The following CCDC50 variants were observed in gnomAD, a reference collection of about 807,000 sequenced individuals.
CCDC50 encodes the protein coiled-coil domain containing 50, also known as coiled-coil domain-containing protein 50.
In CCDC50, 54 loss-of-function variants were observed where a neutral mutation model predicts 70.2. That is an observed-to-expected ratio of 0.77 (90% confidence interval 0.62 to 0.96). CCDC50 has a LOEUF of 0.96. Among genes scored for constraint, CCDC50 ranks in the 50% least tolerant of loss-of-function variants. The pLI is 0.00. For synonymous variants in CCDC50, 216 were observed against 198.8 expected (o/e 1.09, Z -0.73); for missense variants, 558 against 578.7 (o/e 0.96, Z 0.37).
chr3:191,375,281 A>G lies in CCDC50; in HGVS notation c.668A>G (p.His223Arg). 1 of 1,613,738 alleles carries G rather than the reference A, an allele frequency of 6.2e-7. No individual in the cohort carries two copies. The highest frequency in any genetic ancestry group is 8.5e-7 in the Non-Finnish European group (1 of 1,179,776). Reference sequence around the variant, plus strand: ...AATCCCCATATTAACAATGAGCAGCATGAAAGGAAACGGTCCACTCAGGAG... The same window carrying G: ...AATCCCCATATTAACAATGAGCAGCGTGAAAGGAAACGGTCCACTCAGGAG... Reference protein sequence around the residue: ...RDNPHINNEQHERKRSTQERP... With the variant: ...RDNPHINNEQRERKRSTQERP... Residue 223 changes from histidine (H) to arginine (R), a missense_variant, in exon 6 of 12, where the codon CAT (histidine) becomes CGT (arginine). His to Arg is a conservative substitution (Grantham distance 29). Coordinates refer to ENST00000392455, the MANE Select transcript of CCDC50 (RefSeq NM_178335.3).
chr3:191,344,829 T>A (rs866094782), intron 1 of CCDC50, among the ~76,000 whole-genome samples: 8 of 152,298 alleles, frequency 5.3e-5, no homozygotes, highest in African/African-American at 1.7e-4. Context: ...TCTGCCCACC[T>A]CGGCATCCCA....
chr3:191,351,694 G>A (rs1712112395), intron 1 of CCDC50, among the ~76,000 whole-genome samples: 1 of 141,434 alleles, frequency 7.1e-6, no homozygotes, highest in African/African-American at 2.5e-5. Context: ...TTTGGTTGGC[G>A]TGAGGTGGAG....
intron 5 of CCDC50, chr3:191,370,364 C>G (rs1001521041): frequency 5.4e-5 from 16 of 294,466 alleles, no homozygotes; most frequent in Non-Finnish European, 8.4e-5. Flanking sequence ...TCCCTCCCCC[C>G]TCCCCCCACC....
Position 191,389,586 on chromosome 3 carries a change from A to G in CCDC50, c.1413A>G (p.Ser471=). 3 of 1,613,182 alleles carry G rather than the reference A, an allele frequency of 1.9e-6. No individual in the cohort carries two copies. The highest frequency in any genetic ancestry group is 2.7e-5 in the African/African-American group (2 of 75,030). The change falls in exon 11 of 12, where the codon TCA becomes TCG. Residue 471 remains serine, a synonymous_variant. Coordinates refer to ENST00000392455, the MANE Select transcript of CCDC50 (RefSeq NM_178335.3). ...GTTCCACACGGCATTTCTCAAAATC[A>G]GAGTCCTCTCATAAAGGTAAGAAGA... ...QQSSTRHFSK[S]ESSHKGFHYK...
intron 10 of CCDC50, among the ~76,000 whole-genome samples, chr3:191,386,327 C>T (rs188418375): frequency 2.7e-5 from 4 of 147,376 alleles, no homozygotes; most frequent in Admixed American, 6.9e-5. Flanking sequence ...TGGGTTCAAG[C>T]GATTCTTCTG....
chr3:191,361,205 T>C, intron 4 of CCDC50, 46 bp downstream of exon 4: 1 of 1,438,236 alleles, frequency 7.0e-7, no homozygotes, highest in Non-Finnish European at 9.8e-7. Flanking sequence ...AAAGGGGTGC[T>C]CAGCTTTAGA....
intron 4 of CCDC50, among the ~76,000 whole-genome samples, chr3:191,368,304 C>G (rs1712772481): frequency 6.6e-6 from 1 of 152,036 alleles, no homozygotes; most frequent in African/African-American, 2.4e-5. Flanking sequence ...TCTTTTACCT[C>G]TCCCTCTGAG....
At chr3:191,381,276 T>C (rs1339676149) in intron 9 of CCDC50, among the ~76,000 whole-genome samples, 2 of 152,196 alleles carry the variant, frequency 1.3e-5, no homozygotes, top group Non-Finnish European at 2.9e-5. Flanking sequence ...TTTTCCACAA[T>C]GAACTTCTCT....
At chr3:191,339,110 T>C (rs28396104) in intron 1 of CCDC50, among the ~76,000 whole-genome samples, 23,890 of 152,102 alleles carry the variant, frequency 0.16, 2,821 homozygotes, top group African/African-American at 0.33. Context: ...TTGTGAAGAA[T>C]CTGAAAGTTT....
chr3:191,375,307 A>G lies in CCDC50; in HGVS notation c.694A>G (p.Arg232Gly). ...TGAAAGGAAACGGTCCACTCAGGAG[A>G]GGCCTCGGAGACCTCTGCTTCCCAC... ...QHERKRSTQERPRRPLLPTIS... is the reference protein window; with the variant it reads ...QHERKRSTQEGPRRPLLPTIS... The change falls in exon 6 of 12, where the codon AGG becomes GGG. Residue 232 changes from arginine (R) to glycine (G), a missense_variant. Coordinates refer to ENST00000392455, the MANE Select transcript of CCDC50 (RefSeq NM_178335.3). 1 of 1,613,758 alleles carries G rather than the reference A, an allele frequency of 6.2e-7. No homozygotes were observed.
chr3:191,370,049 G>A lies in CCDC50; in HGVS notation c.448+13G>A. 2 of 1,504,600 alleles carry A rather than the reference G, an allele frequency of 1.3e-6. No individual in the cohort carries two copies. Among genetic ancestry groups the A allele is most frequent in the South Asian group, 1.1e-5 (1 of 88,818 alleles). The allele number at this position is 1,504,600 out of a possible 1,614,324, so 93.2% of individuals were successfully genotyped here. On this transcript the variant is annotated intron_variant, in intron 5 of 11. Coordinates refer to ENST00000392455, the MANE Select transcript of CCDC50 (RefSeq NM_178335.3). ...TATGAAGATGGAGGTAACAATTCCTGCATCATGATCTATTCTATCCTTAGA... is the reference window on the plus strand; with the variant it reads ...TATGAAGATGGAGGTAACAATTCCTACATCATGATCTATTCTATCCTTAGA...
rs148402689 is a variant in CCDC50, at chr3:191,350,207, A to C, written c.50-6881A>C. ...TTGTAATTTATGAAGTGCTGTATAA[A>C]TTTCAGTTGTGGCTGTCTGTTATTA... On this transcript the variant is annotated intron_variant, in intron 1 of 11. Coordinates refer to ENST00000392455, the MANE Select transcript of CCDC50 (RefSeq NM_178335.3). Among the ~76,000 whole-genome samples the C allele has an allele frequency of 3.5e-5, 5 of 141,682 alleles. No homozygotes were observed. In the East Asian group the frequency reaches 9.7e-4, roughly 27 times the overall value. The allele number at this position is 141,682 out of a possible 152,430, so 92.9% of individuals were successfully genotyped here.
At chr3:191,385,015 G>T (rs539519514) in intron 10 of CCDC50, among the ~76,000 whole-genome samples, 37 of 152,266 alleles carry the variant, frequency 2.4e-4, no homozygotes, top group African/African-American at 8.9e-4. Context: ...TTTTGTGGCT[G>T]TGTAGTAGTC....
At chr3:191,362,474 A>G (rs538910289) in intron 4 of CCDC50, among the ~76,000 whole-genome samples, 109 of 152,214 alleles carry the variant, frequency 7.2e-4, no homozygotes, top group African/African-American at 1.5e-3. Flanking sequence ...CATCATTTCT[A>G]TGCTACCCTG....
chr3:191,365,361 G>T (rs1020666917), intron 4 of CCDC50, among the ~76,000 whole-genome samples: 9 of 151,782 alleles, frequency 5.9e-5, no homozygotes, highest in African/African-American at 2.2e-4. Flanking sequence ...TGTTCTAAAA[G>T]AATATTTACA....
At chr3:191,382,633 G>A in intron 9 of CCDC50, 113 bp from the exon 10 acceptor site, 1 of 708,006 alleles carries the variant, frequency 1.4e-6, no homozygotes. Context: ...AAATTACTAA[G>A]GAAGAGCTTG....
intron 4 of CCDC50, among the ~76,000 whole-genome samples, chr3:191,363,123 T>C (rs1712554204): frequency 6.6e-6 from 1 of 151,168 alleles, no homozygotes; most frequent in Non-Finnish European, 1.5e-5. Flanking sequence ...AAAGAGAAAA[T>C]AAAACACTTT....
chr3:191,378,188 C>T (rs1277387776), intron 6 of CCDC50, among the ~76,000 whole-genome samples: 1 of 152,082 alleles, frequency 6.6e-6, no homozygotes, highest in African/African-American at 2.4e-5. Context: ...TAAACCATTT[C>T]CCCTCTAAAT....
chr3:191,350,997 TG>T (rs1240065505), intron 1 of CCDC50, among the ~76,000 whole-genome samples: 1 of 139,988 alleles, frequency 7.1e-6, no homozygotes, highest in African/African-American at 2.5e-5. Context: ...TGTGTGTATG[TG>T]GGGGATGTGG....
Sources: allele counts gnomAD v4.1 joint callset (sites outside exome capture counted in the v4.1 genomes callset), GRCh38; gene constraint gnomAD v4.1.1; transcripts MANE v1.5; gene names NCBI Gene and HGNC (gene_info 2026-07-23, HGNC 2026-07-21).